ARHGAP44: variants seen among roughly 807,000 people sequenced by gnomAD.
ARHGAP44 encodes Rho GTPase activating protein 44, also known as rho GTPase-activating protein 44.
Under a neutral mutation model 106.8 loss-of-function variants are expected in ARHGAP44, and 43 were observed. The observed-to-expected ratio is 0.40, with a 90% confidence interval of 0.32 to 0.52. ARHGAP44 has a LOEUF of 0.52. Ranked by LOEUF, ARHGAP44 falls within the 20% of genes least tolerant of loss-of-function variation. ARHGAP44 has a pLI of 0.48. For missense variants in ARHGAP44, 866 were observed against 1,050.5 expected, an observed-to-expected ratio of 0.82 and a Z score of 2.43; for synonymous variants, 439 against 410.3, an observed-to-expected ratio of 1.07 and a Z score of -0.85.
intron 20 of ARHGAP44, chr17:12,986,805 C>CA (rs1257146064): frequency 8.4e-5 from 27 of 320,902 alleles, no homozygotes; most frequent in Middle Eastern, 8.6e-4. Flanking sequence ...ACAGCACCCC[C>CA]AGGGCTCTAA....
chr17:12,907,355 T>G (rs888554484), intron 3 of ARHGAP44, among the ~76,000 whole-genome samples: 2 of 152,208 alleles, frequency 1.3e-5, no homozygotes, highest in Admixed American at 1.3e-4. Flanking sequence ...TAACATAAAA[T>G]GTAGCATTTA....
intron 1 of ARHGAP44, among the ~76,000 whole-genome samples, chr17:12,806,365 T>G (rs531409251): frequency 6.6e-6 from 1 of 152,204 alleles, no homozygotes; most frequent in South Asian, 2.1e-4. Flanking sequence ...GAAAGTAAAA[T>G]AAATTCTTCA....
intron 5 of ARHGAP44, 67 bp from the exon 6 acceptor site, chr17:12,919,688 G>A: frequency 6.9e-7 from 1 of 1,456,678 alleles, no homozygotes; most frequent in Admixed American, 2.0e-5. Context: ...GCCTGGCCAG[G>A]AATGGTTCCT....
intron 1 of ARHGAP44, among the ~76,000 whole-genome samples, chr17:12,872,368 G>T (rs567743619): frequency 6.6e-6 from 1 of 151,888 alleles, no homozygotes; most frequent in African/African-American, 2.4e-5. Context: ...ATTTCTTCTC[G>T]CTGGACTTGG....
intron 16 of ARHGAP44, among the ~76,000 whole-genome samples, chr17:12,962,165 A>C (rs75245742): frequency 0.087 from 13,200 of 152,112 alleles, 754 homozygotes; most frequent in East Asian, 0.16. Context: ...ACTGGGTAAA[A>C]TTGCAAAGAA....
At chr17:12,953,287 C>T (rs1043026656) in intron 13 of ARHGAP44, among the ~76,000 whole-genome samples, 12 of 152,216 alleles carry the variant, frequency 7.9e-5, no homozygotes, top group African/African-American at 2.4e-4. Flanking sequence ...TCCTTCTCCA[C>T]GCCTGGCTCC....
intron 1 of ARHGAP44, among the ~76,000 whole-genome samples, chr17:12,792,196 TC>T (rs545787004): frequency 5.1e-4 from 78 of 152,304 alleles, no homozygotes; most frequent in African/African-American, 1.8e-3. Flanking sequence ...GAGAATGTGC[TC>T]CTTCCAAGTA....
At chr17:12,954,829 C>A (rs564417042) in intron 13 of ARHGAP44, among the ~76,000 whole-genome samples, 1 of 152,170 alleles carries the variant, frequency 6.6e-6, no homozygotes, top group Admixed American at 6.5e-5. Flanking sequence ...TATATAGCTT[C>A]TTTGTTGGCT....
At chr17:12,838,026 C>T (rs2035287722) in intron 1 of ARHGAP44, among the ~76,000 whole-genome samples, 1 of 152,076 alleles carries the variant, frequency 6.6e-6, no homozygotes, top group African/African-American at 2.4e-5. Context: ...AGCCAGTTTC[C>T]CTCCCCTCCC....
intron 1 of ARHGAP44, among the ~76,000 whole-genome samples, chr17:12,799,070 C>A (rs567500859): frequency 6.6e-6 from 1 of 152,268 alleles, no homozygotes; most frequent in African/African-American, 2.4e-5. Flanking sequence ...CAGAGGAAGT[C>A]TCTCCCTACC....
At chr17:12,836,331 A>G (rs970225384) in intron 1 of ARHGAP44, among the ~76,000 whole-genome samples, 2 of 152,176 alleles carry the variant, frequency 1.3e-5, no homozygotes, top group African/African-American at 2.4e-5. Flanking sequence ...AGTGGACTCC[A>G]GACCAAGGAA....
intron 12 of ARHGAP44, among the ~76,000 whole-genome samples, chr17:12,951,733 A>G (rs7207708): frequency 1 from 151,669 of 152,292 alleles, 75,525 homozygotes; most frequent in East Asian, 1. Context: ...AGATCACTTC[A>G]TCTAAACCAA....
intron 1 of ARHGAP44, among the ~76,000 whole-genome samples, chr17:12,894,136 G>A (rs1209663432): frequency 6.6e-6 from 1 of 151,958 alleles, no homozygotes; most frequent in Non-Finnish European, 1.5e-5. Context: ...AAATTCTTTA[G>A]ACTTCTTGTA....
In ARHGAP44 at chr17:12,845,517, A is replaced by AAAAC. The variant is rs1567645068; in HGVS notation, c.54-49420_54-49419insCAAA. On this transcript the variant is annotated intron_variant, in intron 1 of 20. Coordinates refer to ENST00000379672, the MANE Select transcript of ARHGAP44 (RefSeq NM_014859.6). ...GCAAGACTCCGTCTCAAAAAAAAAAAAAAAACAAAAAAACAACTCTTTCTT... is the reference window on the plus strand; with the variant it reads ...GCAAGACTCCGTCTCAAAAAAAAAAAAAACAAAAACAAAAAAACAACTCTTTCTT... Among the ~76,000 whole-genome samples, 17 of 141,996 alleles carry AAAAC rather than the reference A, an allele frequency of 1.2e-4. No homozygotes were observed. The South Asian group carries it at 2.7e-3, about 22-fold the overall frequency. 93.2% of individuals were successfully genotyped at this position (141,996 alleles called of 152,430 possible).
chr17:12,901,718 A>G (rs1373054740), intron 3 of ARHGAP44, among the ~76,000 whole-genome samples: 1 of 152,142 alleles, frequency 6.6e-6, no homozygotes, highest in Non-Finnish European at 1.5e-5. Flanking sequence ...CTTTTGAATC[A>G]GGAACCCTGG....
At chr17:12,891,778 C>G (rs570069902) in intron 1 of ARHGAP44, among the ~76,000 whole-genome samples, 1 of 144,266 alleles carries the variant, frequency 6.9e-6, no homozygotes, top group East Asian at 2.1e-4. Context: ...TTCAAGTTTC[C>G]TTCTTTTATC....
At chr17:12,950,607 G>A (rs942718361) in intron 12 of ARHGAP44, among the ~76,000 whole-genome samples, 34 of 152,266 alleles carry the variant, frequency 2.2e-4, no homozygotes, top group African/African-American at 7.5e-4. Context: ...TAAGTAAATA[G>A]TATTGTTTGG....
intron 1 of ARHGAP44, among the ~76,000 whole-genome samples, chr17:12,793,706 T>TCACA (rs1461179314): frequency 6.8e-6 from 1 of 146,206 alleles, no homozygotes; most frequent in African/African-American, 2.6e-5. Context: ...AGACTCCATC[T>TCACA]CACACAAAAA....
intron 1 of ARHGAP44, among the ~76,000 whole-genome samples, chr17:12,828,068 C>T (rs1306576071): frequency 2.0e-5 from 3 of 147,008 alleles, no homozygotes; most frequent in African/African-American, 7.5e-5. Context: ...AGTTACTTAT[C>T]TATTAACATT....
Sources: allele counts gnomAD v4.1 joint callset (sites outside exome capture counted in the v4.1 genomes callset), GRCh38; gene constraint gnomAD v4.1.1; transcripts MANE v1.5; gene names NCBI Gene and HGNC (gene_info 2026-07-23, HGNC 2026-07-21).